The following MLKL variants were observed in gnomAD, a reference collection of about 807,000 sequenced individuals.
MLKL encodes the protein mixed lineage kinase domain like pseudokinase.
Under a neutral mutation model 56.5 loss-of-function variants are expected in MLKL, and 55 were observed. That is an observed-to-expected ratio of 0.97 (90% confidence interval 0.78 to 1.22). The LOEUF is 1.22. Among genes scored for constraint, MLKL ranks in the 50% most tolerant of loss-of-function variants. The pLI is 0.00. For synonymous variants in MLKL, 251 were observed against 208.3 expected (o/e 1.20, Z -1.76); for missense variants, 694 against 573.9 (o/e 1.21, Z -2.14).
chr16:74,700,352 T>G (rs1961314333), intron 1 of MLKL, 101 bp downstream of exon 1: 1 of 152,178 alleles, frequency 6.6e-6, no homozygotes, highest in African/African-American at 2.4e-5. Flanking sequence ...TTCCAGGAAC[T>G]CGGACCGGGC....
chr16:74,690,862 G>A (rs1287458019), intron 4 of MLKL, among the ~76,000 whole-genome samples: 1 of 147,448 alleles, frequency 6.8e-6, no homozygotes, highest in Non-Finnish European at 1.5e-5. Context: ...AAGGAGTCCA[G>A]ATATGGAACA....
rs1312891167 is a variant in MLKL at position 74,689,493 on chromosome 16, A to C, written c.722+1784T>G. Among the ~76,000 whole-genome samples, 7 of 152,180 alleles carry C rather than the reference A, an allele frequency of 4.6e-5. 1 individual carries two copies. The highest frequency in any genetic ancestry group is 1.7e-4 in the African/African-American group (7 of 41,430). Reference sequence around the variant, plus strand: ...CGGTATGTAAAATATATCTCAATAAAACTGTTAAAAATACAGTCTCAATGA... The same window carrying C: ...CGGTATGTAAAATATATCTCAATAACACTGTTAAAAATACAGTCTCAATGA... On this transcript the variant is annotated intron_variant, in intron 4 of 10. Transcript: ENST00000308807.
intron 4 of MLKL, among the ~76,000 whole-genome samples, chr16:74,688,721 C>T (rs1286739399): frequency 2.0e-5 from 3 of 151,726 alleles, no homozygotes; most frequent in African/African-American, 7.3e-5. Flanking sequence ...TCAAACAGAA[C>T]AAAACAAAAA....
Position 74,675,362 on chromosome 16 carries a change from C to T in MLKL, c.1233G>A (p.Pro411=), listed in dbSNP as rs141519819. The T allele has an allele frequency of 2.7e-5, 44 of 1,614,044 alleles. No homozygotes were observed. In the African/African-American group the frequency reaches 3.1e-4, roughly 11 times the overall value. Residue 411 remains proline (P), a synonymous_variant, in exon 9 of 11, where the codon CCG becomes CCA. Coordinates refer to ENST00000308807, the MANE Select transcript of MLKL (RefSeq NM_152649.4). Reference sequence around the variant, plus strand: ...AGTCTTCACATTCTTCACCTTGAAACGGGATATCTCCAGTGGCGATTTCCC... The same window carrying T: ...AGTCTTCACATTCTTCACCTTGAAATGGGATATCTCCAGTGGCGATTTCCC... ...VLWEIATGDI[P]FQGCNSEKIR... is the part of the protein sequence containing the mutation.
At chr16:74,676,587 A>C in intron 7 of MLKL, 1 of 518,172 alleles carries the variant, frequency 1.9e-6, no homozygotes, top group Non-Finnish European at 2.5e-6. Context: ...CGCATCTTAT[A>C]GTCAGGCTGC....
In MLKL at chr16:74,672,679, C is replaced by T. The variant is rs550783473; in HGVS notation, c.1382-141G>A. On this transcript the variant is annotated intron_variant, in intron 10 of 10. Transcript: ENST00000308807. ...GCTGGTGCCTGAACCACCATCAGCACTCACACATTTGGGATATAAAGTTCT... is the reference window on the plus strand; with the variant it reads ...GCTGGTGCCTGAACCACCATCAGCATTCACACATTTGGGATATAAAGTTCT... 6.9e-6 allele frequency: 5 copies of T among 729,234 alleles called. No individual in the cohort carries two copies. The East Asian group carries it at 9.9e-5, about 15-fold the overall frequency. 45.2% of individuals were successfully genotyped at this position (729,234 alleles called of 1,614,324 possible). A position where few individuals can be genotyped will look rare whatever the true frequency, so the allele number is the denominator to read the frequency against.
At chr16:74,692,486 C>T in intron 2 of MLKL, 70 bp from the exon 3 acceptor site, 2 of 1,235,452 alleles carry the variant, frequency 1.6e-6, no homozygotes. Flanking sequence ...AACTAAAATG[C>T]TAATTAAAAC....
rs776122195 is a variant in MLKL at position 74,695,752 on chromosome 16, T to C, written c.6A>G (p.Glu2=). The C allele has an allele frequency of 5.1e-6, 8 of 1,583,672 alleles. No homozygotes were observed. The African/African-American group carries it at 1.1e-4, about 22-fold the overall frequency. The change falls in exon 2 of 11, where the codon GAA becomes GAG. Residue 2 remains glutamate, a synonymous_variant. Transcript: ENST00000308807. M[E]NLKHIITLGQ... ...CAAGGGTGATAATATGCTTCAAATT[T>C]TCCATGCCTGGAAGAAATGAATGGA...
intron 6 of MLKL, 98 bp downstream of exon 6, chr16:74,682,553 T>C: frequency 1.3e-6 from 2 of 1,493,546 alleles, no homozygotes; most frequent in Admixed American, 2.0e-5. Context: ...AGGGAGACTG[T>C]CTGGGGCGTC....
chr16:74,681,814 GA>G (rs1959990528), intron 6 of MLKL, among the ~76,000 whole-genome samples: 1 of 151,098 alleles, frequency 6.6e-6, no homozygotes, highest in Non-Finnish European at 1.5e-5. Flanking sequence ...AAAAAGAAAA[GA>G]AAAAAACACA....
At chr16:74,693,731 G>A (rs1960837491) in intron 2 of MLKL, among the ~76,000 whole-genome samples, 2 of 151,502 alleles carry the variant, frequency 1.3e-5, no homozygotes, top group Non-Finnish European at 2.9e-5. Context: ...AGCCTCCCGA[G>A]TAGCTGGGAC....
chr16:74,694,933 C>T (rs1260204054), intron 2 of MLKL, among the ~76,000 whole-genome samples: 6 of 152,080 alleles, frequency 3.9e-5, no homozygotes, highest in African/African-American at 1.2e-4. Context: ...AGTGCAGTGG[C>T]GCGATCTCAG....
At chr16:74,699,435 A>C (rs1961245092) in intron 1 of MLKL, among the ~76,000 whole-genome samples, 1 of 152,206 alleles carries the variant, frequency 6.6e-6, no homozygotes, top group Non-Finnish European at 1.5e-5. Context: ...TATTGGGAAA[A>C]AGCACCCTAC....
intron 7 of MLKL, chr16:74,677,885 G>T (rs1361079929): frequency 6.6e-6 from 1 of 152,254 alleles, no homozygotes; most frequent in Non-Finnish European, 1.5e-5. Flanking sequence ...TCACTATGTT[G>T]GCCAGGCTAG....
chr16:74,695,164 G>C lies in MLKL; in HGVS notation c.460+134C>G. ...TGGGATTACAGGCGAGAGCCATCGC[G>C]CCCAGCTAGGAGTTTTGAGGTACAA... On this transcript the variant is annotated intron_variant, in intron 2 of 10. Transcript: ENST00000308807. 4 of 946,214 alleles carry C rather than the reference G, an allele frequency of 4.2e-6. No individual in the cohort carries two copies. In the South Asian group the frequency reaches 5.0e-5, roughly 12 times the overall value. 58.6% of individuals were successfully genotyped at this position (946,214 alleles called of 1,614,324 possible). A position where few individuals can be genotyped will look rare whatever the true frequency, so the allele number is the denominator to read the frequency against.
At chr16:74,679,469 G>A (rs960409839) in intron 6 of MLKL, among the ~76,000 whole-genome samples, 8 of 152,154 alleles carry the variant, frequency 5.3e-5, no homozygotes, top group African/African-American at 1.9e-4. Flanking sequence ...TCTCCCAGAA[G>A]CAGATCATGA....
chr16:74,687,655 C>T (rs566239537), intron 4 of MLKL, among the ~76,000 whole-genome samples: 22 of 152,048 alleles, frequency 1.4e-4, no homozygotes, highest in African/African-American at 4.8e-4. Flanking sequence ...TAAACTCATA[C>T]ATATAAAGCC....
intron 2 of MLKL, among the ~76,000 whole-genome samples, chr16:74,694,889 C>T (rs1325075311): frequency 1.4e-5 from 2 of 142,368 alleles, no homozygotes; most frequent in African/African-American, 5.6e-5. Context: ...TGTTTGTTTT[C>T]TGAGGCAGAG....
In MLKL at chr16:74,675,644, A is replaced by G. The variant is rs1959549614; in HGVS notation, c.1159T>C (p.Tyr387His). Reference sequence around the variant, plus strand: ...ATTTCAGACTTTACATCATATTGATAAAATACATCTTCCAGTTCCTGAGGT... The same window carrying G: ...ATTTCAGACTTTACATCATATTGATGAAATACATCTTCCAGTTCCTGAGGT... ...LSPQELEDVF[Y>H]QYDVKSEIYS... The change falls in exon 8 of 11, where the codon TAT (tyrosine) becomes CAT (histidine). Residue 387 changes from tyrosine to histidine, a missense_variant. Tyr to His is a moderately conservative substitution (Grantham distance 83). Coordinates refer to ENST00000308807, the MANE Select transcript of MLKL (RefSeq NM_152649.4). 1 of 1,613,906 alleles carries G rather than the reference A, an allele frequency of 6.2e-7. No homozygotes were observed. The highest frequency in any genetic ancestry group is 1.3e-5 in the African/African-American group (1 of 74,940).
Sources: gnomAD v4.1 joint callset for allele counts (sites outside exome capture counted in the v4.1 genomes callset) on GRCh38, gnomAD v4.1.1 for gene constraint, MANE v1.5 for transcripts, NCBI Gene and HGNC (gene_info 2026-07-23, HGNC 2026-07-21) for gene names.